Variants in PCDHGB2 observed in about 807,000 individuals in gnomAD.
PCDHGB2 encodes the protein protocadherin gamma-B2.
Under a neutral mutation model 59.3 loss-of-function variants are expected in PCDHGB2, and 55 were observed. That is an observed-to-expected ratio of 0.93 (90% confidence interval 0.75 to 1.16). PCDHGB2 has a LOEUF of 1.16. Ranked by LOEUF, PCDHGB2 falls within the 50% of genes most tolerant of loss-of-function variation. The pLI is 0.00. For missense variants in PCDHGB2, 1,228 were observed against 1,198.5 expected, an observed-to-expected ratio of 1.02 and a Z score of -0.36; for synonymous variants, 516 against 512.0, an observed-to-expected ratio of 1.01 and a Z score of -0.11.
chr5:141,501,066 A>G (rs2099805322), intron 2 of PCDHGB2, among the ~76,000 whole-genome samples: 1 of 151,976 alleles, frequency 6.6e-6, no homozygotes, highest in South Asian at 2.1e-4. Flanking sequence ...ACGGGGTTTC[A>G]CCATGTTGAC....
At chr5:141,426,048 A>G (rs2096911760) in intron 1 of PCDHGB2, among the ~76,000 whole-genome samples, 1 of 152,182 alleles carries the variant, frequency 6.6e-6, no homozygotes, top group Non-Finnish European at 1.5e-5. Context: ...CTGTTGGCCA[A>G]TGTGCTGCAA....
intron 1 of PCDHGB2, chr5:141,413,140 A>G: frequency 1.3e-6 from 2 of 1,563,150 alleles, no homozygotes; most frequent in Non-Finnish European, 1.7e-6. Context: ...CAACGTGTCC[A>G]GTGAGGACTT....
chr5:141,387,741 G>A, intron 1 of PCDHGB2: 7 of 1,332,868 alleles, frequency 5.3e-6, no homozygotes, highest in Non-Finnish European at 6.1e-6. Context: ...CCTTTACACC[G>A]CTTCCTCCTC....
At chr5:141,374,562 C>T in intron 1 of PCDHGB2, 2 of 1,613,702 alleles carry the variant, frequency 1.2e-6, no homozygotes, top group Non-Finnish European at 1.7e-6. Flanking sequence ...GTCTATGACC[C>T]TGATGTGGGA....
Position 141,489,900 on chromosome 5 carries a change from A to T in PCDHGB2, c.2422-4907A>T. ...TTACTGCTGTGGATGGGGGGACCCC[A>T]GCCCGCTCAGGGACCACCCTTATCT... On this transcript the variant is annotated intron_variant, in intron 1 of 3. Coordinates refer to ENST00000522605, the MANE Select transcript of PCDHGB2 (RefSeq NM_018923.3). This position sits in a 1 kb window ranked among gnomAD's most constrained non-coding sequence, Gnocchi z 4.5. The T allele has an allele frequency of 6.2e-7, 1 of 1,614,254 alleles. No homozygotes were observed. The highest frequency in any genetic ancestry group is 8.5e-7 in the Non-Finnish European group (1 of 1,180,044).
chr5:141,474,955 T>C (rs2099356879), intron 1 of PCDHGB2, among the ~76,000 whole-genome samples: 1 of 152,254 alleles, frequency 6.6e-6, no homozygotes, highest in African/African-American at 2.4e-5. Context: ...TTTTATTCAC[T>C]ATCCTAATCA....
Position 141,485,804 on chromosome 5 carries a change from G to A in PCDHGB2, c.2422-9003G>A. 6.2e-7 allele frequency: 1 copy of A among 1,614,218 alleles called. No individual in the cohort carries two copies. On this transcript the variant is annotated intron_variant, in intron 1 of 3. Coordinates refer to ENST00000522605, the MANE Select transcript of PCDHGB2 (RefSeq NM_018923.3). This position sits in a 1 kb window ranked among gnomAD's most constrained non-coding sequence, Gnocchi z 5.7. The stretch of plus-strand genomic sequence containing the variant: ...AGAGAAGCAATCGGACTACCGCCTG[G>A]TGCTGACTGCTGTCGATGGAGGGAA...
intron 1 of PCDHGB2, among the ~76,000 whole-genome samples, chr5:141,368,623 C>A (rs1765768097): frequency 6.6e-6 from 1 of 152,060 alleles, no homozygotes; most frequent in Non-Finnish European, 1.5e-5. Flanking sequence ...GGGTACATTT[C>A]TTCTGAGTTA....
chr5:141,384,341 G>A (rs373965421), intron 1 of PCDHGB2: 3 of 1,613,758 alleles, frequency 1.9e-6, no homozygotes, highest in Admixed American at 1.7e-5. Context: ...GACCACGACA[G>A]TGAGGATAAT....
Position 141,362,530 on chromosome 5 carries a change from C to A in PCDHGB2, c.2395C>A (p.Pro799Thr). 1 of 1,613,936 alleles carries A rather than the reference C, an allele frequency of 6.2e-7. No homozygotes were observed. Reference sequence around the variant, plus strand: ...TACAAATCATGGAGCCGCTGGGGTCCCTTTTGCCTCAGATACTATTTTGAA... The same window carrying A: ...TACAAATCATGGAGCCGCTGGGGTCACTTTTGCCTCAGATACTATTTTGAA... The part of the protein sequence containing the change: ...QNTNHGAAGV[P>T]FASDTILKQA... Residue 799 changes from proline (P) to threonine (T), a missense_variant, in exon 1 of 4, where the codon CCT becomes ACT. Coordinates refer to ENST00000522605, the MANE Select transcript of PCDHGB2 (RefSeq NM_018923.3).
In PCDHGB2 at chr5:141,364,524, G is replaced by T. The variant is rs773568307; in HGVS notation, c.2421+1968G>T. The T allele has an allele frequency of 1.3e-5, 21 of 1,613,938 alleles. No individual in the cohort carries two copies. The highest frequency in any genetic ancestry group is 1.7e-5 in the Non-Finnish European group (20 of 1,179,924). On this transcript the variant is annotated intron_variant, in intron 1 of 3. Transcript: ENST00000522605. Reference sequence around the variant, plus strand: ...CAGGAGCTGGCGGAGCGCGGAGTCCGCATCGTCTCCAGAGGTAGGACGCAG... The same window carrying T: ...CAGGAGCTGGCGGAGCGCGGAGTCCTCATCGTCTCCAGAGGTAGGACGCAG...
intron 3 of PCDHGB2, among the ~76,000 whole-genome samples, chr5:141,510,089 C>G (rs2099879446): frequency 6.6e-6 from 1 of 152,136 alleles, no homozygotes; most frequent in African/African-American, 2.4e-5. Flanking sequence ...GCCTGGCACA[C>G]AGTAGGTGCT....
chr5:141,409,756 C>G, intron 1 of PCDHGB2: 1 of 1,612,994 alleles, frequency 6.2e-7, no homozygotes, highest in Non-Finnish European at 8.5e-7. Context: ...TCGCGCAGCG[C>G]GCCTTTGATC....
intron 1 of PCDHGB2, chr5:141,419,837 C>G (rs778271441): frequency 1.2e-6 from 2 of 1,614,090 alleles, no homozygotes; most frequent in South Asian, 2.2e-5. Context: ...CACTGCCACG[C>G]TGCACCTGGT....
intron 1 of PCDHGB2, chr5:141,409,628 G>A (rs367728235): frequency 1.2e-6 from 2 of 1,613,730 alleles, no homozygotes; most frequent in Non-Finnish European, 1.7e-6. Context: ...GCAAGTGAGC[G>A]CCTCTGACCC....
At chr5:141,368,644 G>C (rs948987019) in intron 1 of PCDHGB2, among the ~76,000 whole-genome samples, 1 of 152,090 alleles carries the variant, frequency 6.6e-6, no homozygotes, top group African/African-American at 2.4e-5. Context: ...AATGTTTTGT[G>C]CAATGGAAAA....
Position 141,384,817 on chromosome 5 carries a change from C to T in PCDHGB2, c.2421+22261C>T, listed in dbSNP as rs373370095. On this transcript the variant is annotated intron_variant, in intron 1 of 3. Coordinates refer to ENST00000522605, the MANE Select transcript of PCDHGB2 (RefSeq NM_018923.3). Reference sequence around the variant, plus strand: ...CCTGCTGGACAGAGATGCCCTCAAGCAGAGCCTCGTGGTGGCCGTCCAGGA... The same window carrying T: ...CCTGCTGGACAGAGATGCCCTCAAGTAGAGCCTCGTGGTGGCCGTCCAGGA... 4.3e-6 allele frequency: 7 copies of T among 1,613,298 alleles called. No homozygotes were observed. In the African/African-American group the frequency reaches 5.3e-5, roughly 12 times the overall value.
In PCDHGB2 at chr5:141,502,866, C is replaced by CTTTTTTTTTT. The variant is rs549047197; in HGVS notation, c.2481-2522_2481-2513dup. On this transcript the variant is annotated intron_variant, in intron 2 of 3. Transcript: ENST00000522605. ...GAGCTGCCTAACCCTGACTCTCTGT[C>CTTTTTTTTTT]TTTTTTTTTTTTTTGACAGGGAGTC... 1.9e-3 allele frequency among the ~76,000 whole-genome samples: 240 copies of CTTTTTTTTTT among 127,966 alleles called. 11 individuals are homozygous for CTTTTTTTTTT. The highest frequency in any genetic ancestry group is 3.5e-3 in the Admixed American group (41 of 11,656). The allele number at this position is 127,966 out of a possible 152,430, so 84.0% of individuals were successfully genotyped here.
At chr5:141,423,205 A>G in intron 1 of PCDHGB2, 1 of 1,613,612 alleles carries the variant, frequency 6.2e-7, no homozygotes, top group South Asian at 1.1e-5. Flanking sequence ...GGCCACCGTC[A>G]CGCTCACCGT....
Sources: allele counts gnomAD v4.1 joint callset (sites outside exome capture counted in the v4.1 genomes callset), GRCh38; gene constraint gnomAD v4.1.1; non-coding constraint Gnocchi (gnomAD v3.1); transcripts MANE v1.5; gene names NCBI Gene and HGNC (gene_info 2026-07-23, HGNC 2026-07-21).